The following UNC13C variants were observed in gnomAD, a reference collection of about 807,000 sequenced individuals.
The protein encoded by UNC13C is protein unc-13 homolog C.
In UNC13C, 174 loss-of-function variants were observed where a neutral mutation model predicts 245.4. The ratio of observed to expected loss-of-function variants is 0.71; its 90% CI spans 0.63 to 0.80. The LOEUF is 0.80. UNC13C is among the 30% of genes least tolerant of loss of function. The pLI is 0.00. For missense variants in UNC13C, 2,829 were observed against 2,602.9 expected, an observed-to-expected ratio of 1.09 and a Z score of -1.89; for synonymous variants, 992 against 895.1, an observed-to-expected ratio of 1.11 and a Z score of -1.93.
chr15:54,596,035 G>C (rs933778214), intron 30 of UNC13C, among the ~76,000 whole-genome samples: 3 of 152,036 alleles, frequency 2.0e-5, no homozygotes, highest in African/African-American at 7.2e-5. Context: ...TTGGTTGTCT[G>C]CTTGGGCTTG....
the UNC13C span, among the ~76,000 whole-genome samples, chr15:53,845,752 T>A: frequency 6.6e-6 from 1 of 152,188 alleles, no homozygotes; most frequent in East Asian, 1.9e-4. Context: ...TCTTTTTATT[T>A]CCTATAATGC....
intron 4 of UNC13C, among the ~76,000 whole-genome samples, chr15:54,203,517 CACAT>C (rs1291826059): frequency 4.2e-5 from 6 of 142,300 alleles, no homozygotes; most frequent in East Asian, 2.1e-4. Context: ...CACACACACA[CACAT>C]ATATATGTAT....
intron 4 of UNC13C, among the ~76,000 whole-genome samples, chr15:54,189,271 G>T (rs1469717536): frequency 1.3e-5 from 2 of 152,150 alleles, no homozygotes; most frequent in African/African-American, 4.8e-5. Flanking sequence ...CTGGGCAAAA[G>T]GGAGAAATGA....
intron 2 of UNC13C, among the ~76,000 whole-genome samples, chr15:54,075,542 ACT>A: frequency 1.1e-5 from 1 of 91,740 alleles, no homozygotes; most frequent in Non-Finnish European, 2.1e-5. Flanking sequence ...ACAGAGCGAG[ACT>A]CTGTCTCAAA....
intron 19 of UNC13C, among the ~76,000 whole-genome samples, chr15:54,419,603 C>A (rs1051066453): frequency 6.6e-5 from 10 of 152,098 alleles, no homozygotes; most frequent in African/African-American, 2.4e-4. Context: ...ATAAATAGAA[C>A]ATAAGGCCTT....
At chr15:54,071,537 A>G (rs1277368933) in intron 2 of UNC13C, among the ~76,000 whole-genome samples, 1 of 152,136 alleles carries the variant, frequency 6.6e-6, no homozygotes, top group African/African-American at 2.4e-5. Context: ...ACTCCATATG[A>G]TCAGTTCTGA....
intron 18 of UNC13C, among the ~76,000 whole-genome samples, chr15:54,411,611 C>CT (rs1164618372): frequency 6.7e-6 from 1 of 149,052 alleles, no homozygotes; most frequent in African/African-American, 2.4e-5. Context: ...CCTTTCTTCA[C>CT]TGACATACTG....
chr15:54,170,289 C>CA (rs1470477771), intron 4 of UNC13C, among the ~76,000 whole-genome samples: 2 of 151,318 alleles, frequency 1.3e-5, no homozygotes, highest in African/African-American at 4.9e-5. Context: ...ATGAAATTCT[C>CA]AAAAATAAAA....
At chr15:54,442,042 A>G (rs114758899) in intron 19 of UNC13C, among the ~76,000 whole-genome samples, 97 of 152,056 alleles carry the variant, frequency 6.4e-4, no homozygotes, top group African/African-American at 2.2e-3. Flanking sequence ...TAATTTTATT[A>G]ATTTGTGTAT....
chr15:54,448,330 A>G lies in UNC13C; in HGVS notation c.4933+33263A>G, dbSNP rs1303071405. On this transcript the variant is annotated intron_variant, in intron 19 of 32. Transcript: ENST00000260323. ...CTGAGTTCAATTCCTGGATATCCTC[A>G]TTAACTTTCTGTCTTGTTGATCTGT... Among the ~76,000 whole-genome samples the G allele has an allele frequency of 3.9e-5, 6 of 152,124 alleles. No individual in the cohort carries two copies. In the South Asian group the frequency reaches 1.0e-3, roughly 26 times the overall value.
At chr15:54,578,667 G>A (rs1436031095) in intron 30 of UNC13C, among the ~76,000 whole-genome samples, 4 of 152,200 alleles carry the variant, frequency 2.6e-5, no homozygotes, top group South Asian at 2.1e-4. Context: ...ATGTATTTTC[G>A]TCACTTGAGT....
intron 19 of UNC13C, among the ~76,000 whole-genome samples, chr15:54,492,241 A>G (rs1432561788): frequency 6.6e-6 from 1 of 152,132 alleles, no homozygotes; most frequent in Admixed American, 6.5e-5. Context: ...TTATCTCTAT[A>G]TGTGTTCTCA....
chr15:54,197,356 G>A (rs1411222692), intron 4 of UNC13C, among the ~76,000 whole-genome samples: 1 of 151,748 alleles, frequency 6.6e-6, no homozygotes, highest in Non-Finnish European at 1.5e-5. Flanking sequence ...TCCCAGCTAA[G>A]TGGGAGGCTA....
chr15:54,630,103 G>A (rs1195910678), downstream of UNC13C: 3 of 152,128 alleles, frequency 2.0e-5, no homozygotes, highest in African/African-American at 7.2e-5. Context: ...TCTTATTCTA[G>A]ATAAAACACA....
chr15:53,966,258 G>C, the UNC13C span, among the ~76,000 whole-genome samples: 6 of 152,096 alleles, frequency 3.9e-5, no homozygotes, highest in Admixed American at 3.3e-4. Flanking sequence ...GGGCAAGACT[G>C]TTTTATTGAT....
chr15:54,040,347 G>T (rs1056347981), intron 2 of UNC13C, among the ~76,000 whole-genome samples: 3 of 152,090 alleles, frequency 2.0e-5, no homozygotes, highest in Non-Finnish European at 4.4e-5. Context: ...TAAGAACCCT[G>T]ACCTTGCTAC....
intron 2 of UNC13C, among the ~76,000 whole-genome samples, chr15:54,044,898 T>C (rs949351686): frequency 2.6e-5 from 4 of 152,176 alleles, no homozygotes; most frequent in Non-Finnish European, 1.5e-5. Flanking sequence ...ATTCGAATTA[T>C]TTGCCCAGTT....
At chr15:54,410,076 T>C (rs79835378) in intron 18 of UNC13C, among the ~76,000 whole-genome samples, 4,674 of 152,300 alleles carry the variant, frequency 0.031, 186 homozygotes, top group Admixed American at 0.12. Flanking sequence ...TTCTGACCAA[T>C]GTGAGATAAT....
downstream of UNC13C, chr15:54,632,381 C>A (rs1018499860): frequency 9.9e-5 from 15 of 152,244 alleles, no homozygotes; most frequent in African/African-American, 3.1e-4. Flanking sequence ...TAGATCATAG[C>A]TTTGCTACCA....
Sources: allele counts gnomAD v4.1 joint callset (sites outside exome capture counted in the v4.1 genomes callset), GRCh38; gene constraint gnomAD v4.1.1; transcripts MANE v1.5; gene names NCBI Gene and HGNC (gene_info 2026-07-23, HGNC 2026-07-21).